The following PFKFB4 variants were observed in gnomAD, a reference collection of about 807,000 sequenced individuals.
PFKFB4 encodes 6-phosphofructo-2-kinase/fructose-2,6-biphosphatase 4.
Under a neutral mutation model 62.8 loss-of-function variants are expected in PFKFB4, and 42 were observed. The ratio of observed to expected loss-of-function variants is 0.67; its 90% CI spans 0.52 to 0.86. PFKFB4 has a LOEUF of 0.86. Among genes scored for constraint, PFKFB4 ranks in the 40% least tolerant of loss-of-function variants. The pLI is 0.00. For synonymous variants in PFKFB4, 204 were observed against 240.7 expected (o/e 0.85, Z 1.41); for missense variants, 475 against 627.2 (o/e 0.76, Z 2.59).
In PFKFB4 at chr3:48,537,399, C is replaced by T. The variant is rs558027755; in HGVS notation, c.633-936G>A. Among the ~76,000 whole-genome samples, 6 of 152,214 alleles carry T rather than the reference C, an allele frequency of 3.9e-5. No homozygotes were observed. In the South Asian group the frequency reaches 6.2e-4, roughly 16 times the overall value. ...CATAGAGAGGCCCAGGTGGCAGGTG[C>T]CATTCAGCTCAGGCCCGGCCTGGGC... is the stretch of plus-strand genomic sequence containing the variant. On this transcript the variant is annotated intron_variant, in intron 7 of 13. Transcript: ENST00000232375.
At position 48,523,738 on chromosome 3, in the gene PFKFB4, C is replaced by T. The variant is rs1279515873; in HGVS notation, c.1185G>A (p.Met395Ile). ...CGAGGAAGTAGGCCAGCAGGCAGCGCATCACAGCCTGGTGGCAGATGACCA... is the reference window on the plus strand; with the variant it reads ...CGAGGAAGTAGGCCAGCAGGCAGCGTATCACAGCCTGGTGGCAGATGACCA... ...NVLVICHQAVMRCLLAYFLDK... is the reference protein window; with the variant it reads ...NVLVICHQAVIRCLLAYFLDK... The change falls in exon 11 of 14, where the codon ATG (methionine) becomes ATA (isoleucine). Residue 395 changes from methionine to isoleucine, a missense_variant. By Grantham distance (10) the Met-to-Ile change is conservative. Coordinates refer to ENST00000232375, the MANE Select transcript of PFKFB4 (RefSeq NM_004567.4). 1 of 1,614,076 alleles carries T rather than the reference C, an allele frequency of 6.2e-7. No homozygotes were observed. The highest frequency in any genetic ancestry group is 1.3e-5 in the African/African-American group (1 of 74,942).
At chr3:48,522,593 G>A (rs1406975177) in intron 12 of PFKFB4, among the ~76,000 whole-genome samples, 1 of 152,280 alleles carries the variant, frequency 6.6e-6, no homozygotes, top group Admixed American at 6.5e-5. Context: ...AAGAGGCAGG[G>A]TGGGGACTCA....
chr3:48,536,519 G>T (rs948880492), intron 7 of PFKFB4, 56 bp from the exon 8 acceptor site: 1 of 1,377,526 alleles, frequency 7.3e-7, no homozygotes. Context: ...TTCTCACAGA[G>T]CACATCTGGC....
chr3:48,548,545 T>C (rs889131190), intron 3 of PFKFB4: 1 of 152,094 alleles, frequency 6.6e-6, no homozygotes, highest in African/African-American at 2.4e-5. Flanking sequence ...TTGAGGAATA[T>C]TGGAATGATG....
chr3:48,528,841 T>G (rs2042343925), intron 9 of PFKFB4, among the ~76,000 whole-genome samples: 1 of 152,212 alleles, frequency 6.6e-6, no homozygotes, highest in African/African-American at 2.4e-5. Flanking sequence ...TGCTACATGC[T>G]ACACGAATAA....
intron 8 of PFKFB4, 24 bp downstream of exon 8, chr3:48,536,232 G>A (rs369482812): frequency 6.4e-5 from 102 of 1,598,436 alleles, no homozygotes; most frequent in African/African-American, 8.0e-5. Context: ...GCCCGTGTGC[G>A]CACGCAGGGA....
chr3:48,524,535 T>A lies in PFKFB4; in HGVS notation c.1093-705A>T, dbSNP rs927633243. Among the ~76,000 whole-genome samples, 5 of 152,248 alleles carry A rather than the reference T, an allele frequency of 3.3e-5. No homozygotes were observed. In the South Asian group the frequency reaches 6.2e-4, roughly 19 times the overall value. On this transcript the variant is annotated intron_variant, in intron 10 of 13. Coordinates refer to ENST00000232375, the MANE Select transcript of PFKFB4 (RefSeq NM_004567.4). ...TGAGAAAATCCTAGACCGGTTCTTTTGGTAACATGAATTTCTCAACCAATT... is the reference window on the plus strand; with the variant it reads ...TGAGAAAATCCTAGACCGGTTCTTTAGGTAACATGAATTTCTCAACCAATT...
At chr3:48,559,877 C>T (rs1350589530), upstream of PFKFB4, 1 of 322,088 alleles carries the variant, frequency 3.1e-6, no homozygotes. Context: ...CCAGTCCTGA[C>T]AGAACTGCCA....
intron 9 of PFKFB4, 142 bp from the exon 10 acceptor site, chr3:48,525,811 A>C: frequency 4.2e-6 from 2 of 476,834 alleles, no homozygotes; most frequent in Non-Finnish European, 7.6e-6. Context: ...CTGTCTAAGG[A>C]GGGGAGGACC....
At chr3:48,562,783 G>A (rs560143325), upstream of PFKFB4, 332 of 1,543,060 alleles carry the variant, frequency 2.2e-4, 5 homozygotes, top group South Asian at 3.8e-3. This position sits in a 1 kb window ranked among gnomAD's most constrained non-coding sequence, Gnocchi z 4.3. Flanking sequence ...CCCTCTCTCA[G>A]GCTCAGCAGT....
chr3:48,523,763 A>G lies in PFKFB4; in HGVS notation c.1160T>C (p.Leu387Pro), dbSNP rs753901191. The G allele has an allele frequency of 3.2e-5, 52 of 1,614,114 alleles. No homozygotes were observed. The highest frequency in any genetic ancestry group is 3.8e-5 in the Non-Finnish European group (45 of 1,180,046). ...CATCACAGCCTGGTGGCAGATGACC[A>G]GCACATTCTCTTGCCTCTCCAGCTC... ...IMELERQENVLVICHQAVMRC... is the reference protein window; with the variant it reads ...IMELERQENVPVICHQAVMRC... The change falls in exon 11 of 14, where the codon CTG becomes CCG. Residue 387 changes from leucine to proline, a missense_variant. By Grantham distance (98) the Leu-to-Pro change is moderately conservative. Coordinates refer to ENST00000232375, the MANE Select transcript of PFKFB4 (RefSeq NM_004567.4).
rs760014920 is a variant in PFKFB4 at position 48,525,589 on chromosome 3, G to A, written c.1068C>T (p.Tyr356=). The A allele has an allele frequency of 1.2e-6, 2 of 1,603,742 alleles. No individual in the cohort carries two copies. Among genetic ancestry groups the A allele is most frequent in the South Asian group, 1.1e-5 (1 of 90,450 alleles). ...LEFALRDQDK[Y]RYRYPKGESY... ...CCTCCCCTTTAGGGTACCGGTACCGGTACTTGTCCTGGTCCCGCAGGGCGA... is the reference window on the plus strand; with the variant it reads ...CCTCCCCTTTAGGGTACCGGTACCGATACTTGTCCTGGTCCCGCAGGGCGA... Residue 356 remains tyrosine, a synonymous_variant, in exon 10 of 14, where the codon TAC becomes TAT. Transcript: ENST00000232375.
chr3:48,544,213 G>A (rs1410362477), intron 3 of PFKFB4, among the ~76,000 whole-genome samples: 1 of 151,996 alleles, frequency 6.6e-6, no homozygotes, highest in Non-Finnish European at 1.5e-5. Context: ...TTTAAAAGCA[G>A]CCGTTTTCTT....
intron 7 of PFKFB4, 127 bp downstream of exon 7, chr3:48,538,371 A>G: frequency 1.7e-6 from 2 of 1,199,976 alleles, no homozygotes; most frequent in South Asian, 1.4e-5. Flanking sequence ...GAAATAAACA[A>G]GAAAGGTCAG....
chr3:48,555,305 T>C (rs138938366), intron 1 of PFKFB4, among the ~76,000 whole-genome samples: 2 of 152,216 alleles, frequency 1.3e-5, no homozygotes, highest in Non-Finnish European at 2.9e-5. Context: ...GTCAGAAACA[T>C]GGCCTTCCCC....
At chr3:48,523,888 C>T in intron 10 of PFKFB4, 58 bp from the exon 11 acceptor site, 1 of 1,553,188 alleles carries the variant, frequency 6.4e-7, no homozygotes, top group South Asian at 1.2e-5. Context: ...GGGACAGACA[C>T]ATCCTGGACA....
chr3:48,540,720 T>C (rs536316678), intron 4 of PFKFB4, among the ~76,000 whole-genome samples: 2 of 152,046 alleles, frequency 1.3e-5, no homozygotes, highest in Admixed American at 1.3e-4. Context: ...AGTTATTCTT[T>C]CGCCTCAGCC....
chr3:48,520,308 G>C (rs969319414), intron 13 of PFKFB4, among the ~76,000 whole-genome samples: 2 of 152,182 alleles, frequency 1.3e-5, no homozygotes, highest in African/African-American at 4.8e-5. Context: ...GCCTCCTGAA[G>C]CCCTCAGCTA....
intron 3 of PFKFB4, 45 bp downstream of exon 3, chr3:48,549,819 G>T (rs772245613): frequency 2.5e-6 from 3 of 1,183,920 alleles, no homozygotes; most frequent in Admixed American, 1.7e-5. Context: ...CTCCACACTG[G>T]GTCCCCCAGC....
Sources: gnomAD v4.1 joint callset for allele counts (sites outside exome capture counted in the v4.1 genomes callset) on GRCh38, gnomAD v4.1.1 for gene constraint, Gnocchi (gnomAD v3.1) non-coding constraint, MANE v1.5 for transcripts, NCBI Gene and HGNC (gene_info 2026-07-23, HGNC 2026-07-21) for gene names.